SLC25A24: variants seen among roughly 807,000 people sequenced by gnomAD.
SLC25A24 encodes the protein solute carrier family 25 member 24, also known as mitochondrial adenyl nucleotide antiporter SLC25A24.
Under a neutral mutation model 60.7 loss-of-function variants are expected in SLC25A24, and 49 were observed. The ratio of observed to expected loss-of-function variants is 0.81; its 90% CI spans 0.64 to 1.02. The LOEUF (loss-of-function observed/expected upper bound fraction) is 1.02. Ranked by LOEUF, SLC25A24 falls within the 50% of genes least tolerant of loss-of-function variation. The pLI, the probability that SLC25A24 is intolerant of heterozygous loss-of-function variation, is 0.00. For synonymous variants in SLC25A24, 202 were observed against 200.6 expected (o/e 1.01, Z -0.06); for missense variants, 564 against 586.3 (o/e 0.96, Z 0.39).
At chr1:108,169,151 A>AT (rs1330726994) in intron 3 of SLC25A24, among the ~76,000 whole-genome samples, 1 of 152,114 alleles carries the variant, frequency 6.6e-6, no homozygotes, top group Non-Finnish European at 1.5e-5. Flanking sequence ...TGGGCTCTCT[A>AT]TTATGTTTCA....
chr1:108,173,995 C>G (rs1483302886), intron 3 of SLC25A24, among the ~76,000 whole-genome samples: 2 of 152,134 alleles, frequency 1.3e-5, no homozygotes, highest in Admixed American at 6.5e-5. Context: ...CCACAGGAAG[C>G]AGAGGACAAA....
chr1:108,142,912 C>T (rs1002846123), intron 8 of SLC25A24, among the ~76,000 whole-genome samples: 4 of 152,118 alleles, frequency 2.6e-5, no homozygotes, highest in African/African-American at 9.7e-5. Context: ...TTTCATTACA[C>T]ATTCCACTCT....
chr1:108,198,257 A>C (rs1190026672), intron 1 of SLC25A24, among the ~76,000 whole-genome samples: 2 of 152,228 alleles, frequency 1.3e-5, no homozygotes, highest in Non-Finnish European at 2.9e-5. Context: ...AATGAAAAGG[A>C]ATTTCACCTG....
At chr1:108,172,230 G>A (rs1483138057) in intron 3 of SLC25A24, among the ~76,000 whole-genome samples, 2 of 152,198 alleles carry the variant, frequency 1.3e-5, no homozygotes, top group Non-Finnish European at 2.9e-5. Flanking sequence ...CTGAACAGGT[G>A]TAAGTAGGAG....
chr1:108,195,198 A>C (rs1648458676), intron 1 of SLC25A24, among the ~76,000 whole-genome samples: 1 of 152,174 alleles, frequency 6.6e-6, no homozygotes, highest in Non-Finnish European at 1.5e-5. Context: ...TTTTTCTGGA[A>C]TACCGATAAA....
chr1:108,159,845 A>G lies in SLC25A24; in HGVS notation c.510+1337T>C, dbSNP rs1680008875. On this transcript the variant is annotated intron_variant, in intron 4 of 9. Transcript: ENST00000565488. ...TTTTTCTTAGTACAGAACAAAATGA[A>G]AAGTCTCCCATGTCTACCTCTTTCT... Among the ~76,000 whole-genome samples the G allele has an allele frequency of 2.0e-5, 3 of 151,306 alleles. No homozygotes were observed. In the South Asian group the frequency reaches 6.3e-4, roughly 32 times the overall value.
chr1:108,173,352 T>C (rs1249018302), intron 3 of SLC25A24, among the ~76,000 whole-genome samples: 2 of 152,224 alleles, frequency 1.3e-5, no homozygotes, highest in Non-Finnish European at 2.9e-5. Flanking sequence ...GATGGTTTTA[T>C]AGGGCTTTTC....
At chr1:108,144,341 T>C (rs1048015254) in intron 7 of SLC25A24, among the ~76,000 whole-genome samples, 1 of 152,206 alleles carries the variant, frequency 6.6e-6, no homozygotes, top group African/African-American at 2.4e-5. Flanking sequence ...AAACTTTTCC[T>C]GTAAAGACTA....
At chr1:108,171,423 AG>A (rs2101628771) in intron 3 of SLC25A24, among the ~76,000 whole-genome samples, 1 of 152,190 alleles carries the variant, frequency 6.6e-6, no homozygotes, top group East Asian at 1.9e-4. Context: ...TGTTTCCAAC[AG>A]ACTGCTGAAA....
chr1:108,196,207 G>T (rs1487491072), intron 1 of SLC25A24, among the ~76,000 whole-genome samples: 7 of 152,104 alleles, frequency 4.6e-5, no homozygotes, highest in Admixed American at 4.6e-4. Flanking sequence ...TAGAATGTAA[G>T]AGTTAGAATG....
chr1:108,174,599 C>T (rs9787129), intron 3 of SLC25A24, among the ~76,000 whole-genome samples: 14,655 of 152,152 alleles, frequency 0.096, 822 homozygotes, highest in East Asian at 0.18. Flanking sequence ...GGGCCACCAT[C>T]CTCCAGTACC....
At chr1:108,169,383 C>T (rs1647364144) in intron 3 of SLC25A24, among the ~76,000 whole-genome samples, 1 of 152,042 alleles carries the variant, frequency 6.6e-6, no homozygotes, top group South Asian at 2.1e-4. Context: ...TCTCTATCAC[C>T]AATTTGGAGA....
At chr1:108,181,297 T>A (rs1488557330) in intron 3 of SLC25A24, among the ~76,000 whole-genome samples, 1 of 70,598 alleles carries the variant, frequency 1.4e-5, no homozygotes, top group Non-Finnish European at 2.7e-5. Flanking sequence ...AATATAATTG[T>A]CCTTTCTGTT....
At chr1:108,175,798 G>A (rs1647656782) in intron 3 of SLC25A24, among the ~76,000 whole-genome samples, 1 of 152,104 alleles carries the variant, frequency 6.6e-6, no homozygotes. Context: ...ATAAAATGGT[G>A]CAGCCACTTT....
intron 3 of SLC25A24, among the ~76,000 whole-genome samples, chr1:108,170,513 G>A (rs973404814): frequency 1.3e-5 from 2 of 151,984 alleles, no homozygotes; most frequent in African/African-American, 4.8e-5. Flanking sequence ...CTTCACTAAA[G>A]TTTTTCTCTG....
intron 3 of SLC25A24, among the ~76,000 whole-genome samples, chr1:108,176,254 C>T (rs1271485065): frequency 1.3e-5 from 2 of 151,850 alleles, no homozygotes; most frequent in Non-Finnish European, 2.9e-5. Context: ...AATATGGGAG[C>T]ATCAACTGCA....
chr1:108,175,267 T>G (rs1469128606), intron 3 of SLC25A24, among the ~76,000 whole-genome samples: 4 of 152,170 alleles, frequency 2.6e-5, no homozygotes, highest in African/African-American at 9.7e-5. Flanking sequence ...CTCATGATAG[T>G]GAGTAACTTC....
At position 108,161,334 on chromosome 1, in the gene SLC25A24, G is replaced by A. The variant is rs149396426; in HGVS notation, c.399-41C>T. The A allele has an allele frequency of 8.0e-5, 82 of 1,025,590 alleles. No individual in the cohort carries two copies. In the African/African-American group the frequency reaches 1.2e-3, roughly 15 times the overall value. The allele number at this position is 1,025,590 out of a possible 1,614,324, so 63.5% of individuals were successfully genotyped here. ...AATGATCAAAGTACAAAACTAAATT[G>A]ATAAATAAAACTAACATTATTGGCC... On this transcript the variant is annotated intron_variant, in intron 3 of 9. Transcript: ENST00000565488.
intron 3 of SLC25A24, among the ~76,000 whole-genome samples, chr1:108,167,240 TTTTG>T (rs1337574043): frequency 1.3e-5 from 2 of 150,976 alleles, no homozygotes; most frequent in African/African-American, 4.9e-5. Context: ...ACTGCTGTCT[TTTTG>T]TTTGTCTGTG....
Sources: allele counts gnomAD v4.1 joint callset (sites outside exome capture counted in the v4.1 genomes callset), GRCh38; gene constraint gnomAD v4.1.1; transcripts MANE v1.5; gene names NCBI Gene and HGNC (gene_info 2026-07-23, HGNC 2026-07-21).